PPARGC1B: variants seen among roughly 807,000 people sequenced by gnomAD.
PPARGC1B encodes peroxisome proliferator-activated receptor gamma coactivator 1-beta.
Under a neutral mutation model 101.6 loss-of-function variants are expected in PPARGC1B, and 34 were observed. That is an observed-to-expected ratio of 0.33 (90% CI 0.25 to 0.45). The LOEUF (loss-of-function observed/expected upper bound fraction) is 0.45. Among genes scored for constraint, PPARGC1B ranks in the 20% least tolerant of loss-of-function variants. The pLI, the probability that PPARGC1B is intolerant of heterozygous loss-of-function variation, is 1.00. For synonymous variants in PPARGC1B, 548 were observed against 539.3 expected, an observed-to-expected ratio of 1.02 and a Z score of -0.22; for missense variants, 1,234 against 1,317.6, an observed-to-expected ratio of 0.94 and a Z score of 0.98.
Position 149,778,096 on chromosome 5 carries a change from CACACACACACACACAG to C in PPARGC1B, c.79-42335_79-42320del, listed in dbSNP as rs1455296334. Reference sequence around the variant, plus strand: ...ACACACACACACACACACACACACACACACACACACACACAGAGTACCCAGCTGCTCACATTCCATG... The same window carrying C: ...ACACACACACACACACACACACACACAGTACCCAGCTGCTCACATTCCATG... On this transcript the variant is annotated intron_variant, in intron 1 of 11. Coordinates refer to ENST00000309241, the MANE Select transcript of PPARGC1B (RefSeq NM_133263.4). 1.6e-3 allele frequency among the ~76,000 whole-genome samples: 211 copies of C among 130,700 alleles called. 13 individuals carry two copies. The highest frequency in any genetic ancestry group is 3.8e-3 in the African/African-American group (133 of 34,902). 85.7% of individuals were successfully genotyped at this position (130,700 alleles called of 152,430 possible).
At chr5:149,753,003 A>G (rs192074102) in intron 1 of PPARGC1B, among the ~76,000 whole-genome samples, 20 of 152,326 alleles carry the variant, frequency 1.3e-4, no homozygotes, top group African/African-American at 4.6e-4. Flanking sequence ...AACATCGCAT[A>G]TATGTGGTCT....
intron 1 of PPARGC1B, among the ~76,000 whole-genome samples, chr5:149,758,360 A>G (rs904442669): frequency 6.6e-6 from 1 of 152,250 alleles, no homozygotes; most frequent in Non-Finnish European, 1.5e-5. Flanking sequence ...CTGAGTCATC[A>G]TCCATGCCAG....
chr5:149,819,476 GTT>G, intron 1 of PPARGC1B, among the ~76,000 whole-genome samples: 2 of 149,652 alleles, frequency 1.3e-5, no homozygotes, highest in Non-Finnish European at 1.5e-5. Flanking sequence ...ATGGGTGTTT[GTT>G]TGTTTGTTTG....
chr5:149,836,676 A>G lies in PPARGC1B; in HGVS notation c.2221A>G (p.Arg741Gly). 2 of 1,613,754 alleles carry G rather than the reference A, an allele frequency of 1.2e-6. No individual in the cohort carries two copies. Among genetic ancestry groups the G allele is most frequent in the South Asian group, 2.2e-5 (2 of 91,084 alleles). The change falls in exon 8 of 12, where the codon AGA becomes GGA. Residue 741 changes from arginine (R) to glycine (G), a missense_variant. Coordinates refer to ENST00000309241, the MANE Select transcript of PPARGC1B (RefSeq NM_133263.4). ...EAQAPGREED[R>G]SCDAGAPPKD... ...ACAGGCCCCTGGCAGGGAGGAAGAC[A>G]GAAGCTGTGATGCTGGCGCCCCACC...
chr5:149,847,160 G>A, intron 11 of PPARGC1B: 2 of 516,216 alleles, frequency 3.9e-6, no homozygotes, highest in Non-Finnish European at 7.1e-6. Flanking sequence ...ACGAGAAGCT[G>A]TTGGGGGAAG....
At chr5:149,772,081 G>T in intron 1 of PPARGC1B, 10 of 1,572,686 alleles carry the variant, frequency 6.4e-6, no homozygotes, top group Non-Finnish European at 7.8e-6. Flanking sequence ...TGAGGGGCCT[G>T]CTCTGATCTG....
At chr5:149,809,931 G>A (rs530927462) in intron 1 of PPARGC1B, among the ~76,000 whole-genome samples, 37 of 152,130 alleles carry the variant, frequency 2.4e-4, no homozygotes, top group Admixed American at 9.8e-4. Flanking sequence ...GAAGGGAGCC[G>A]CTATGGGAGA....
rs923771329 is a variant in PPARGC1B, at chr5:149,754,683, G to T, written c.78+24263G>T. Among the ~76,000 whole-genome samples the T allele has an allele frequency of 3.9e-5, 6 of 151,990 alleles. No individual in the cohort carries two copies. In the South Asian group the frequency reaches 1.0e-3, roughly 26 times the overall value. On this transcript the variant is annotated intron_variant, in intron 1 of 11. Transcript: ENST00000309241. The stretch of plus-strand genomic sequence containing the variant: ...GGGCCTGTCGGAGTCAGGTGTCAGA[G>T]GCTGGGCTGACAGGTAACCAGGTCC...
chr5:149,824,199 G>A (rs532345844), intron 2 of PPARGC1B, among the ~76,000 whole-genome samples: 1 of 152,310 alleles, frequency 6.6e-6, no homozygotes, highest in Admixed American at 6.5e-5. Flanking sequence ...TTCCGGCTCT[G>A]ATATTTGTGA....
intron 1 of PPARGC1B, among the ~76,000 whole-genome samples, chr5:149,773,247 A>C (rs778251532): frequency 6.6e-6 from 1 of 152,216 alleles, no homozygotes; most frequent in Non-Finnish European, 1.5e-5. Flanking sequence ...TGAGAGCTAC[A>C]TGTCTCTTAC....
intron 1 of PPARGC1B, among the ~76,000 whole-genome samples, chr5:149,738,854 CA>C (rs920573909): frequency 1.1e-4 from 16 of 152,200 alleles, no homozygotes; most frequent in Non-Finnish European, 1.8e-4. Context: ...CTCGGCCTCC[CA>C]AAATGCTGGG....
At chr5:149,742,940 T>A (rs1754960533) in intron 1 of PPARGC1B, among the ~76,000 whole-genome samples, 1 of 151,958 alleles carries the variant, frequency 6.6e-6, no homozygotes, top group Non-Finnish European at 1.5e-5. Context: ...TGGGGCTCAG[T>A]GGAAATCACT....
chr5:149,833,505 C>T lies in PPARGC1B; in HGVS notation c.1432C>T (p.Arg478Cys), dbSNP rs1410854375. Residue 478 changes from arginine (R) to cysteine (C), a missense_variant, in exon 5 of 12, where the codon CGT becomes TGT. This residue lies in a region of PPARGC1B where 734 missense variants were observed against 768.4 expected (regional missense o/e 0.96). Coordinates refer to ENST00000309241, the MANE Select transcript of PPARGC1B (RefSeq NM_133263.4). The surrounding 1 kb of genome is among the most constrained non-coding windows in gnomAD (Gnocchi z 4.1). Reference sequence around the variant, plus strand: ...GGAGAGCTCTGTGTGCCCCGTGCGGCGTTCTCGGAGACTGAACCCTGAGCT... The same window carrying T: ...GGAGAGCTCTGTGTGCCCCGTGCGGTGTTCTCGGAGACTGAACCCTGAGCT... Reference protein sequence around the residue: ...KLESSVCPVRRSRRLNPELGP... With the variant: ...KLESSVCPVRCSRRLNPELGP... 9 of 1,565,388 alleles carry T rather than the reference C, an allele frequency of 5.7e-6. No individual in the cohort carries two copies. Among genetic ancestry groups the T allele is most frequent in the Admixed American group, 3.8e-5 (2 of 52,482 alleles).
intron 1 of PPARGC1B, among the ~76,000 whole-genome samples, chr5:149,770,129 C>T (rs1289508210): frequency 6.6e-6 from 1 of 152,024 alleles, no homozygotes; most frequent in African/African-American, 2.4e-5. Context: ...GGAGCCCCTG[C>T]CTTCCTTTTA....
rs751392646 is a variant in PPARGC1B at position 149,837,088 on chromosome 5, C to CT, written c.2618+16dup. 82 of 1,588,534 alleles carry CT rather than the reference C, an allele frequency of 5.2e-5. No individual in the cohort carries two copies. Among genetic ancestry groups the CT allele is most frequent in the African/African-American group, 2.6e-4 (19 of 74,194 alleles). Reference sequence around the variant, plus strand: ...AGGAACTTCAGGTATGAACAGGGGGCTGCAGGAGAGGCAGCGGGCAGTGGA... The same window carrying CT: ...AGGAACTTCAGGTATGAACAGGGGGCTTGCAGGAGAGGCAGCGGGCAGTGGA... On this transcript the variant is annotated intron_variant, in intron 8 of 11. Coordinates refer to ENST00000309241, the MANE Select transcript of PPARGC1B (RefSeq NM_133263.4). This position sits in a 1 kb window ranked among gnomAD's most constrained non-coding sequence, Gnocchi z 4.2.
chr5:149,842,555 G>A (rs916501007), intron 10 of PPARGC1B, among the ~76,000 whole-genome samples, 178 bp downstream of exon 10: 6 of 152,264 alleles, frequency 3.9e-5, no homozygotes, highest in Non-Finnish European at 8.8e-5. Flanking sequence ...GTCAGTAATA[G>A]CAGCAAACAC....
chr5:149,845,664 T>C (rs578121299), intron 10 of PPARGC1B, 96 bp from the exon 11 acceptor site: 10 of 1,312,618 alleles, frequency 7.6e-6, no homozygotes. Flanking sequence ...GGGTATCGAA[T>C]CACTGTGGCA....
chr5:149,831,177 C>T (rs1227354469), intron 4 of PPARGC1B, among the ~76,000 whole-genome samples: 2 of 152,216 alleles, frequency 1.3e-5, no homozygotes, highest in Non-Finnish European at 2.9e-5. Flanking sequence ...TGTATTCCAA[C>T]AGTGTGACAG....
chr5:149,770,842 G>A (rs1756104033), intron 1 of PPARGC1B, among the ~76,000 whole-genome samples: 1 of 151,340 alleles, frequency 6.6e-6, no homozygotes. Flanking sequence ...AAAAAAAAAA[G>A]GAATAAAAAT....
Sources: gnomAD v4.1 joint callset for allele counts (sites outside exome capture counted in the v4.1 genomes callset) on GRCh38, gnomAD v4.1.1 for gene constraint, gnomAD v4.1.1 regional missense constraint, Gnocchi (gnomAD v3.1) non-coding constraint, MANE v1.5 for transcripts, NCBI Gene and HGNC (gene_info 2026-07-23, HGNC 2026-07-21) for gene names.